DIP2C: variants seen among roughly 807,000 people sequenced by gnomAD.
DIP2C encodes disco-interacting protein 2 homolog C.
Under a neutral mutation model 192.4 loss-of-function variants are expected in DIP2C, and 33 were observed. The ratio of observed to expected loss-of-function variants is 0.17; its 90% CI spans 0.13 to 0.23. The LOEUF is 0.23. Among genes scored for constraint, DIP2C ranks in the 10% least tolerant of loss-of-function variants. The pLI is 1.00. For synonymous variants in DIP2C, 979 were observed against 864.1 expected (o/e 1.13, Z -2.33); for missense variants, 1,537 against 2,110.1 (o/e 0.73, Z 5.32).
chr10:599,550 AG>A, intron 1 of DIP2C, among the ~76,000 whole-genome samples: 1 of 152,220 alleles, frequency 6.6e-6, no homozygotes, highest in African/African-American at 2.4e-5. Flanking sequence ...CTCGTGGGTC[AG>A]TGAACGAAAG....
At chr10:356,260 A>C (rs566298006) in intron 24 of DIP2C, 166 bp downstream of exon 24, 3 of 783,024 alleles carry the variant, frequency 3.8e-6, no homozygotes, top group Non-Finnish European at 4.3e-6. Context: ...GGTTACGTTT[A>C]AAAACAATCC....
At chr10:619,856 A>G (rs1423165982) in intron 1 of DIP2C, among the ~76,000 whole-genome samples, 2 of 152,168 alleles carry the variant, frequency 1.3e-5, no homozygotes, top group East Asian at 3.9e-4. Context: ...CCGCCCGTGG[A>G]TGGGTTCCCT....
At chr10:509,805 C>T (rs577804141) in intron 1 of DIP2C, among the ~76,000 whole-genome samples, 1 of 152,098 alleles carries the variant, frequency 6.6e-6, no homozygotes, top group Admixed American at 6.5e-5. Context: ...GCCCACGCTT[C>T]GGCATGGAGA....
intron 1 of DIP2C, among the ~76,000 whole-genome samples, chr10:566,635 G>C (rs79309407): frequency 0.011 from 1,752 of 152,352 alleles, 29 homozygotes; most frequent in African/African-American, 0.04. Flanking sequence ...AGAAGCCCAG[G>C]CTTTCTTCAT....
At chr10:375,076 C>T (rs1321892931) in intron 17 of DIP2C, among the ~76,000 whole-genome samples, 1 of 152,192 alleles carries the variant, frequency 6.6e-6, no homozygotes, top group Non-Finnish European at 1.5e-5. Flanking sequence ...TATACAATAC[C>T]ACGATGACGT....
intron 1 of DIP2C, among the ~76,000 whole-genome samples, chr10:569,331 A>C (rs955256917): frequency 3.3e-5 from 5 of 152,160 alleles, no homozygotes. Context: ...ACAACCCTCA[A>C]TGGAGATGCA....
rs371242510 is a variant in DIP2C, at chr10:571,295, C to CCA, written c.86-84767_86-84766dup. ...ACCACATCTCAGGTCAGCAACAGCC[C>CCA]CACTGAGGGCCAATCAGCTCCCCCC... On this transcript the variant is annotated intron_variant, in intron 1 of 36. Transcript: ENST00000280886. 3.9e-3 allele frequency among the ~76,000 whole-genome samples: 597 copies of CCA among 152,302 alleles called. 2 individuals are homozygous for CCA. The highest frequency in any genetic ancestry group is 0.014 in the African/African-American group (567 of 41,560).
chr10:326,738 G>T (rs1256673658), intron 31 of DIP2C, among the ~76,000 whole-genome samples: 1 of 152,170 alleles, frequency 6.6e-6, no homozygotes, highest in Admixed American at 6.5e-5. Flanking sequence ...GAACAGCAGA[G>T]GTCTGGACAA....
chr10:397,138 A>G (rs1372191724), intron 10 of DIP2C, among the ~76,000 whole-genome samples: 1 of 152,158 alleles, frequency 6.6e-6, no homozygotes, highest in Non-Finnish European at 1.5e-5. Flanking sequence ...TTAATGCTGG[A>G]GTAGCCACAA....
At chr10:599,118 C>T (rs1358270797) in intron 1 of DIP2C, among the ~76,000 whole-genome samples, 3 of 152,118 alleles carry the variant, frequency 2.0e-5, no homozygotes, top group Non-Finnish European at 4.4e-5. Flanking sequence ...AGCGTGGGAG[C>T]CAAGTTAGAG....
intron 1 of DIP2C, among the ~76,000 whole-genome samples, chr10:561,740 A>G (rs1351218094): frequency 1.3e-5 from 2 of 152,004 alleles, no homozygotes; most frequent in Non-Finnish European, 2.9e-5. Flanking sequence ...GTCTGCCAGG[A>G]AGGGAAGACT....
Position 571,732 on chromosome 10 carries a change from C to T in DIP2C, c.86-85202G>A, listed in dbSNP as rs1164897002. 7.9e-5 allele frequency among the ~76,000 whole-genome samples: 12 copies of T among 152,208 alleles called. 1 individual carries two copies. The highest frequency in any genetic ancestry group is 7.2e-4 in the Admixed American group (11 of 15,290). Reference sequence around the variant, plus strand: ...CTGCCCCGTGGGCTCCGTGTCCACTCAGTGTCCTCACGGCGCTGGTGCCCA... The same window carrying T: ...CTGCCCCGTGGGCTCCGTGTCCACTTAGTGTCCTCACGGCGCTGGTGCCCA... On this transcript the variant is annotated intron_variant, in intron 1 of 36. Transcript: ENST00000280886.
chr10:537,162 G>A (rs915553419), intron 1 of DIP2C, among the ~76,000 whole-genome samples: 8 of 152,208 alleles, frequency 5.3e-5, no homozygotes, highest in East Asian at 1.9e-4. Flanking sequence ...CCACCCAGAG[G>A]CAAGGCCGTA....
intron 3 of DIP2C, among the ~76,000 whole-genome samples, chr10:459,014 T>TA (rs1287315178): frequency 1.3e-5 from 2 of 150,264 alleles, no homozygotes; most frequent in Non-Finnish European, 3.0e-5. Flanking sequence ...AAAAAAGCTT[T>TA]AAAAATCTAA....
At chr10:644,216 CCA>C (rs1167701689) in intron 1 of DIP2C, among the ~76,000 whole-genome samples, 2 of 152,206 alleles carry the variant, frequency 1.3e-5, no homozygotes, top group African/African-American at 4.8e-5. Context: ...CTTCTGCAGA[CCA>C]AGGCAGGTGG....
intron 26 of DIP2C, 127 bp from the exon 27 acceptor site, chr10:345,237 C>A: frequency 1.1e-6 from 1 of 941,936 alleles, no homozygotes; most frequent in Non-Finnish European, 1.7e-6. Flanking sequence ...ATGAGGTTAC[C>A]GAGCCCTCCT....
At chr10:379,002 G>T (rs1962030714) in intron 17 of DIP2C, among the ~76,000 whole-genome samples, 1 of 152,136 alleles carries the variant, frequency 6.6e-6, no homozygotes, top group South Asian at 2.1e-4. Flanking sequence ...TCCCTAAAAT[G>T]AGTGCTGGTC....
At chr10:485,565 C>G (rs558834910) in intron 2 of DIP2C, among the ~76,000 whole-genome samples, 2 of 152,194 alleles carry the variant, frequency 1.3e-5, no homozygotes, top group African/African-American at 4.8e-5. Context: ...ATCTCCACAC[C>G]GTTTCCTGCA....
chr10:370,316 C>A lies in DIP2C; in HGVS notation c.1992-683G>T, dbSNP rs76786740. ...CACGTTCACCACGCTGGGGCCCACC[C>A]CACCTCCTCTGCCGGACACCCCAGC... On this transcript the variant is annotated intron_variant, in intron 17 of 36. Transcript: ENST00000280886. 3.2e-3 allele frequency among the ~76,000 whole-genome samples: 493 copies of A among 152,354 alleles called. 24 individuals are homozygous for A. The East Asian group carries it at 0.075, about 23-fold the overall frequency.
Sources: allele counts gnomAD v4.1 joint callset (sites outside exome capture counted in the v4.1 genomes callset), GRCh38; gene constraint gnomAD v4.1.1; transcripts MANE v1.5; gene names NCBI Gene and HGNC (gene_info 2026-07-23, HGNC 2026-07-21).